Variants in SORCS2 observed in about 807,000 individuals in gnomAD.
SORCS2 encodes VPS10 domain-containing receptor SorCS2.
Under a neutral mutation model 141.6 loss-of-function variants are expected in SORCS2, and 100 were observed. The ratio of observed to expected loss-of-function variants is 0.71; its 90% CI spans 0.60 to 0.83. The LOEUF is 0.83. Ranked by LOEUF, SORCS2 falls within the 40% of genes least tolerant of loss-of-function variation. The probability of loss-of-function intolerance (pLI) is 0.00; values close to 1 mark genes in which losing one functional copy is unlikely to be tolerated. For synonymous variants in SORCS2, 789 were observed against 676.9 expected (o/e 1.17, Z -2.57); for missense variants, 1,646 against 1,560.2 (o/e 1.05, Z -0.93).
chr4:7,667,156 C>A lies in SORCS2; in HGVS notation c.1104C>A (p.Val368=), dbSNP rs748806977. The change falls in exon 8 of 27, where the codon GTC becomes GTA. Residue 368 remains valine (V), a synonymous_variant. Coordinates refer to ENST00000507866, the MANE Select transcript of SORCS2 (RefSeq NM_020777.3). ...CAGCAAACCAGACAAAATACTACGT[C>A]TCTTATCGTCGAAATGAATTTGTCC... The part of the protein sequence containing the change: ...ATSANQTKYY[V]SYRRNEFVLM... The A allele has an allele frequency of 3.7e-6, 6 of 1,613,804 alleles. No homozygotes were observed. The highest frequency in any genetic ancestry group is 5.1e-6 in the Non-Finnish European group (6 of 1,179,700).
chr4:7,433,884 G>T, intron 2 of SORCS2: 1 of 1,613,936 alleles, frequency 6.2e-7, no homozygotes, highest in African/African-American at 1.3e-5. Context: ...ACTCCTTCGT[G>T]ATAGAGGCAG....
intron 1 of SORCS2, among the ~76,000 whole-genome samples, chr4:7,268,671 A>C (rs1277671686): frequency 6.6e-6 from 1 of 152,236 alleles, no homozygotes; most frequent in Non-Finnish European, 1.5e-5. Flanking sequence ...CCTGTGAGTG[A>C]AGGGAGTGCC....
intron 5 of SORCS2, 109 bp downstream of exon 5, chr4:7,654,316 C>G (rs1721619834): frequency 8.8e-7 from 1 of 1,135,950 alleles, no homozygotes; most frequent in African/African-American, 1.5e-5. Context: ...TCCTCTGGAC[C>G]CTCCCCATCC....
At position 7,508,443 on chromosome 4, in the gene SORCS2, C is replaced by T. The variant is rs577601040; in HGVS notation, c.549-23087C>T. On this transcript the variant is annotated intron_variant, in intron 2 of 26. Coordinates refer to ENST00000507866, the MANE Select transcript of SORCS2 (RefSeq NM_020777.3). ...TTGGCTCACTGCAACCTCCACCTCCCGGGTTCAAGTGATTCTCCTGACTCA... is the reference window on the plus strand; with the variant it reads ...TTGGCTCACTGCAACCTCCACCTCCTGGGTTCAAGTGATTCTCCTGACTCA... 1.6e-4 allele frequency among the ~76,000 whole-genome samples: 24 copies of T among 150,174 alleles called. 1 individual carries two copies. The highest frequency in any genetic ancestry group is 4.0e-4 in the East Asian group (2 of 5,008).
chr4:7,480,354 A>C (rs1560319205), intron 2 of SORCS2, among the ~76,000 whole-genome samples: 1 of 152,172 alleles, frequency 6.6e-6, no homozygotes, highest in African/African-American at 2.4e-5. Context: ...GACATGGAGA[A>C]GTGACATTCC....
chr4:7,452,153 T>A (rs1728501619), intron 2 of SORCS2, among the ~76,000 whole-genome samples: 2 of 151,940 alleles, frequency 1.3e-5, no homozygotes, highest in Admixed American at 6.5e-5. Context: ...TTCTTTTTTT[T>A]TTTTTGAGAT....
intron 3 of SORCS2, among the ~76,000 whole-genome samples, chr4:7,532,606 G>A (rs73089774): frequency 0.01 from 1,570 of 152,302 alleles, 13 homozygotes; most frequent in South Asian, 0.024. Flanking sequence ...CGATGGTTGC[G>A]CTGGTGGCAG....
chr4:7,416,529 C>T (rs972566898), intron 2 of SORCS2, among the ~76,000 whole-genome samples: 2 of 150,724 alleles, frequency 1.3e-5, no homozygotes, highest in African/African-American at 5.0e-5. Flanking sequence ...TACTGACACA[C>T]TCACACACGC....
intron 2 of SORCS2, among the ~76,000 whole-genome samples, chr4:7,491,689 T>C (rs545314875): frequency 6.6e-6 from 1 of 152,202 alleles, no homozygotes; most frequent in Non-Finnish European, 1.5e-5. Flanking sequence ...GAAACCTGTA[T>C]TAAGTCTGCG....
At chr4:7,519,597 G>A (rs1433093974) in intron 2 of SORCS2, among the ~76,000 whole-genome samples, 1 of 152,154 alleles carries the variant, frequency 6.6e-6, no homozygotes, top group Non-Finnish European at 1.5e-5. Context: ...TTCCAGCGCT[G>A]CTGCCTGTGC....
At chr4:7,244,862 AGTGT>A (rs1353732578) in intron 1 of SORCS2, among the ~76,000 whole-genome samples, 1 of 152,140 alleles carries the variant, frequency 6.6e-6, no homozygotes, top group Non-Finnish European at 1.5e-5. Flanking sequence ...TTGGTGAGGG[AGTGT>A]GTGCTTAATA....
At chr4:7,576,774 G>GCCT (rs1235096721) in intron 3 of SORCS2, among the ~76,000 whole-genome samples, 1 of 152,206 alleles carries the variant, frequency 6.6e-6, no homozygotes, top group Non-Finnish European at 1.5e-5. Flanking sequence ...GCAAAGGGCT[G>GCCT]CCTGCTCAAG....
At chr4:7,589,835 A>C (rs866181872) in intron 3 of SORCS2, among the ~76,000 whole-genome samples, 2 of 152,240 alleles carry the variant, frequency 1.3e-5, no homozygotes, top group Admixed American at 1.3e-4. Context: ...GAGGTCACAC[A>C]GCAGGGGAAA....
chr4:7,333,952 C>G (rs554462782), intron 1 of SORCS2, among the ~76,000 whole-genome samples: 8 of 152,138 alleles, frequency 5.3e-5, no homozygotes, highest in Admixed American at 5.2e-4. Flanking sequence ...CCCATCTCTG[C>G]CCCTTGGGCC....
intron 2 of SORCS2, among the ~76,000 whole-genome samples, chr4:7,461,016 G>A (rs1333168623): frequency 6.6e-6 from 1 of 152,074 alleles, no homozygotes; most frequent in East Asian, 1.9e-4. Context: ...GCTGCCCGGG[G>A]AGTGTCAGAA....
At chr4:7,415,371 A>G (rs923480559) in intron 2 of SORCS2, among the ~76,000 whole-genome samples, 4 of 152,224 alleles carry the variant, frequency 2.6e-5, no homozygotes, top group Non-Finnish European at 5.9e-5. Context: ...GTTGGAATGC[A>G]GAGGCTGCCT....
intron 1 of SORCS2, among the ~76,000 whole-genome samples, chr4:7,394,429 A>C: frequency 8.9e-6 from 1 of 112,032 alleles, no homozygotes. Flanking sequence ...TGGAGGGGGC[A>C]TTGAGCCCAG....
chr4:7,676,824 T>TCTCCCTCTCCCTCTCTCCCCCC (rs1553902878), intron 9 of SORCS2, among the ~76,000 whole-genome samples: 1 of 49,078 alleles, frequency 2.0e-5, no homozygotes, highest in Non-Finnish European at 3.9e-5. Context: ...TCTCTCTCTC[T>TCTCCCTCTCCCTCTCTCCCCCC]CTCTCCCTCT....
At chr4:7,261,058 G>GAAGTTCT (rs1714287201) in intron 1 of SORCS2, among the ~76,000 whole-genome samples, 1 of 152,168 alleles carries the variant, frequency 6.6e-6, no homozygotes, top group African/African-American at 2.4e-5. Context: ...TCAGAGAATT[G>GAAGTTCT]AAGTTCTAAC....
Sources: gnomAD v4.1 joint callset for allele counts (sites outside exome capture counted in the v4.1 genomes callset) on GRCh38, gnomAD v4.1.1 for gene constraint, MANE v1.5 for transcripts, NCBI Gene and HGNC (gene_info 2026-07-23, HGNC 2026-07-21) for gene names.